The following CADPS variants were observed in gnomAD, a reference collection of about 807,000 sequenced individuals.
CADPS encodes calcium-dependent secretion activator 1.
A neutral mutation model predicts 167.3 loss-of-function variants in CADPS; 57 were observed. The observed-to-expected ratio is 0.34, with a 90% CI of 0.28 to 0.42. The LOEUF is 0.42. CADPS is among the 20% of genes least tolerant of loss of function. The pLI is 1.00. For missense variants in CADPS, 1,414 were observed against 1,738.1 expected (o/e 0.81, Z 3.32); for synonymous variants, 676 against 635.3 (o/e 1.06, Z -0.96).
chr3:62,794,619 T>C (rs79624040), intron 1 of CADPS, among the ~76,000 whole-genome samples: 5,050 of 152,024 alleles, frequency 0.033, 93 homozygotes, highest in Middle Eastern at 0.061. Context: ...ATTCTTGTTA[T>C]TGTATTTATG....
At chr3:62,621,617 A>G (rs1270527995) in intron 6 of CADPS, among the ~76,000 whole-genome samples, 1 of 152,078 alleles carries the variant, frequency 6.6e-6, no homozygotes, top group Non-Finnish European at 1.5e-5. Context: ...GTTCAGGGGT[A>G]TATGTTCAGG....
chr3:62,501,675 G>C (rs901240068), intron 17 of CADPS, among the ~76,000 whole-genome samples: 3 of 152,130 alleles, frequency 2.0e-5, no homozygotes, highest in South Asian at 2.1e-4. Context: ...CCCAAATCTA[G>C]GGGAATTCTG....
chr3:62,524,783 G>A (rs1206019702), intron 13 of CADPS, among the ~76,000 whole-genome samples: 1 of 152,156 alleles, frequency 6.6e-6, no homozygotes, highest in Non-Finnish European at 1.5e-5. Flanking sequence ...ACTGAATGAA[G>A]CAAGAACACA....
chr3:62,423,371 G>A (rs541580032), intron 28 of CADPS, among the ~76,000 whole-genome samples: 12 of 152,196 alleles, frequency 7.9e-5, no homozygotes. Context: ...CCACGTTCTA[G>A]CTAGAGGGTC....
chr3:62,784,174 T>A (rs910770957), intron 1 of CADPS, among the ~76,000 whole-genome samples: 2 of 152,312 alleles, frequency 1.3e-5, no homozygotes, highest in African/African-American at 4.8e-5. Context: ...TCACTGGCCA[T>A]AGATGGTTTA....
intron 1 of CADPS, among the ~76,000 whole-genome samples, chr3:62,799,037 T>A (rs1198321258): frequency 6.6e-6 from 1 of 152,172 alleles, no homozygotes; most frequent in Admixed American, 6.6e-5. Flanking sequence ...AAGCTTTACC[T>A]GATGGTCATC....
intron 1 of CADPS, among the ~76,000 whole-genome samples, chr3:62,829,702 A>G (rs1163202489): frequency 6.6e-6 from 1 of 152,036 alleles, no homozygotes; most frequent in African/African-American, 2.4e-5. Context: ...AAAATAATAA[A>G]CAGGTCAAGC....
At chr3:62,747,394 TG>T (rs2081701423) in intron 3 of CADPS, among the ~76,000 whole-genome samples, 1 of 152,194 alleles carries the variant, frequency 6.6e-6, no homozygotes, top group African/African-American at 2.4e-5. Flanking sequence ...TGTAGTTATA[TG>T]GAGATTAAGG....
intron 1 of CADPS, among the ~76,000 whole-genome samples, chr3:62,798,061 C>G (rs1415878022): frequency 6.6e-6 from 1 of 152,164 alleles, no homozygotes; most frequent in Non-Finnish European, 1.5e-5. Context: ...ACATGGCAGA[C>G]AGACAATATA....
chr3:62,631,139 T>TAC (rs2065203556), intron 6 of CADPS, among the ~76,000 whole-genome samples: 1 of 151,672 alleles, frequency 6.6e-6, no homozygotes, highest in African/African-American at 2.4e-5. Flanking sequence ...CACACAAATA[T>TAC]ACACACACAC....
In CADPS at chr3:62,544,726, A is replaced by G; in HGVS notation, c.1966+5177T>C. 3.0e-6 allele frequency: 1 copy of G among 330,278 alleles called. No homozygotes were observed. Among genetic ancestry groups the G allele is most frequent in the Non-Finnish European group, 4.6e-6 (1 of 218,504 alleles). The allele number at this position is 330,278 out of a possible 1,614,324, so 20.5% of individuals were successfully genotyped here. A position where few individuals can be genotyped will look rare whatever the true frequency, so the allele number is the denominator to read the frequency against. On this transcript the variant is annotated intron_variant, in intron 11 of 29. Transcript: ENST00000383710. This position sits in a 1 kb window ranked among gnomAD's most constrained non-coding sequence, Gnocchi z 4.4. ...TCAAACCTAAGGTCAGGAAAATAAC[A>G]TGAAAAGTTGTACTACAAATTCTAG...
chr3:62,714,347 G>A (rs779621985), intron 3 of CADPS, among the ~76,000 whole-genome samples: 2 of 152,040 alleles, frequency 1.3e-5, no homozygotes, highest in African/African-American at 2.4e-5. Context: ...TTGTGACTGG[G>A]TACTGTACAT....
intron 13 of CADPS, among the ~76,000 whole-genome samples, chr3:62,521,536 G>A (rs1462707835): frequency 6.6e-6 from 1 of 152,158 alleles, no homozygotes; most frequent in African/African-American, 2.4e-5. Flanking sequence ...TCTGCATCTT[G>A]TTCCTTTCTC....
At chr3:62,863,526 G>C (rs939022764) in intron 1 of CADPS, among the ~76,000 whole-genome samples, 32 of 152,264 alleles carry the variant, frequency 2.1e-4, no homozygotes, top group African/African-American at 7.2e-4. Context: ...TTTTCAAGCA[G>C]GAGTGCAATG....
intron 1 of CADPS, among the ~76,000 whole-genome samples, chr3:62,767,593 CA>C (rs1309716990): frequency 2.0e-5 from 3 of 152,062 alleles, no homozygotes; most frequent in Non-Finnish European, 2.9e-5. Flanking sequence ...GAAACAAAAA[CA>C]AAACAGAATT....
intron 26 of CADPS, among the ~76,000 whole-genome samples, chr3:62,460,622 G>A (rs538574523): frequency 6.6e-6 from 1 of 152,340 alleles, no homozygotes; most frequent in African/African-American, 2.4e-5. Flanking sequence ...TTGGGCTTTA[G>A]ACCCAGGTGG....
At chr3:62,517,112 G>A (rs2069180245) in intron 14 of CADPS, among the ~76,000 whole-genome samples, 1 of 152,074 alleles carries the variant, frequency 6.6e-6, no homozygotes, top group Non-Finnish European at 1.5e-5. Context: ...CCTGCTTGCG[G>A]TTTCCTATTG....
chr3:62,791,461 T>G (rs1173694290), intron 1 of CADPS, among the ~76,000 whole-genome samples: 1 of 152,208 alleles, frequency 6.6e-6, no homozygotes, highest in Non-Finnish European at 1.5e-5. Flanking sequence ...AAATGCAGAA[T>G]TGTTAGAAAT....
rs138656981 is a variant in CADPS at position 62,450,080 on chromosome 3, G to C, written c.3637-4283C>G. ...AAAGCACATGCTCCTCAGCCTGGTG[G>C]TGATAGTCAGTTTCACTCCCCACCT... On this transcript the variant is annotated intron_variant, in intron 26 of 29. Transcript: ENST00000383710. 8.9e-3 allele frequency among the ~76,000 whole-genome samples: 1,356 copies of C among 152,252 alleles called. 13 individuals are homozygous for C. Among genetic ancestry groups the C allele is most frequent in the Middle Eastern group, 0.017 (5 of 294 alleles).
Sources: allele counts gnomAD v4.1 joint callset (sites outside exome capture counted in the v4.1 genomes callset), GRCh38; gene constraint gnomAD v4.1.1; non-coding constraint Gnocchi (gnomAD v3.1); transcripts MANE v1.5; gene names NCBI Gene and HGNC (gene_info 2026-07-23, HGNC 2026-07-21).